The following C5orf52 variants were observed in gnomAD, a reference collection of about 807,000 sequenced individuals.
C5orf52 encodes uncharacterized protein C5orf52.
C5orf52 carries 15 observed loss-of-function variants against 16.8 expected under a neutral mutation model. The observed-to-expected ratio is 0.89, with a 90% CI of 0.60 to 1.38. The LOEUF is 1.38. Ranked by LOEUF, C5orf52 falls within the 40% of genes most tolerant of loss-of-function variation. The pLI is 0.00. For missense variants in C5orf52, 206 were observed against 213.1 expected (o/e 0.97, Z 0.21); for synonymous variants, 83 against 87.2 (o/e 0.95, Z 0.27).
chr5:157,678,882 C>A (rs192199857), intron 2 of C5orf52, among the ~76,000 whole-genome samples: 425 of 152,108 alleles, frequency 2.8e-3, no homozygotes, highest in African/African-American at 9.2e-3. Context: ...TGCCTGTAAT[C>A]TCAGCACTTT....
At chr5:157,679,113 G>C (rs1581418470) in intron 2 of C5orf52, among the ~76,000 whole-genome samples, 1 of 151,144 alleles carries the variant, frequency 6.6e-6, no homozygotes, top group East Asian at 2.0e-4. Flanking sequence ...CAGCCTGGGT[G>C]ACAGTGCGAG....
chr5:157,673,196 G>A (rs1366363443), intron 1 of C5orf52, among the ~76,000 whole-genome samples: 1 of 151,774 alleles, frequency 6.6e-6, no homozygotes, highest in African/African-American at 2.4e-5. Context: ...AAAATTAGCC[G>A]GGCATGGTGG....
At chr5:157,674,908 G>A (rs1203139154) in intron 1 of C5orf52, among the ~76,000 whole-genome samples, 184 bp from the exon 2 acceptor site, 1 of 152,102 alleles carries the variant, frequency 6.6e-6, no homozygotes, top group East Asian at 1.9e-4. Flanking sequence ...TACCCCTTTA[G>A]CATACCTTTT....
intron 1 of C5orf52, among the ~76,000 whole-genome samples, chr5:157,672,374 T>C (rs1285708339): frequency 1.3e-5 from 2 of 152,114 alleles, no homozygotes; most frequent in African/African-American, 2.4e-5. Flanking sequence ...CCCCTGTCCA[T>C]GGAGAACTTG....
In C5orf52 at chr5:157,679,822, C is replaced by G; in HGVS notation, c.322-19C>G. The G allele has an allele frequency of 6.5e-7, 1 of 1,543,592 alleles. No homozygotes were observed. Among genetic ancestry groups the G allele is most frequent in the Non-Finnish European group, 8.7e-7 (1 of 1,144,288 alleles). ...CTCTTTAGGATCTTGATCCTAACCT[C>G]ACCTCTGTTTTTTGTAAGGTGAGCG... On this transcript the variant is annotated intron_variant, in intron 2 of 2. Coordinates refer to ENST00000409999, the MANE Select transcript of C5orf52 (RefSeq NM_001145132.2).
At chr5:157,677,524 C>T (rs1361898412) in intron 2 of C5orf52, among the ~76,000 whole-genome samples, 5 of 152,054 alleles carry the variant, frequency 3.3e-5, no homozygotes, top group East Asian at 3.9e-4. Flanking sequence ...TGTGGTGGCA[C>T]ATGCCTGTAA....
chr5:157,676,868 T>TC (rs1759904071), intron 2 of C5orf52, among the ~76,000 whole-genome samples: 1 of 73,874 alleles, frequency 1.4e-5, no homozygotes, highest in African/African-American at 8.8e-5. Context: ...TTCCTTTTTT[T>TC]TTCTTTTTTT....
In C5orf52 at chr5:157,679,746, C is replaced by A. The variant is rs1047662914; in HGVS notation, c.322-95C>A. 4 of 1,188,954 alleles carry A rather than the reference C, an allele frequency of 3.4e-6. No homozygotes were observed. The African/African-American group carries it at 6.2e-5, about 18-fold the overall frequency. 73.7% of individuals were successfully genotyped at this position (1,188,954 alleles called of 1,614,324 possible). On this transcript the variant is annotated intron_variant, in intron 2 of 2. Coordinates refer to ENST00000409999, the MANE Select transcript of C5orf52 (RefSeq NM_001145132.2). ...GTCCAGCTGACACTTTTCCCACTCC[C>A]CCATCAGTAGCACAGATGTCTGCCC...
rs1207133304 is a variant in C5orf52 at position 157,671,719 on chromosome 5, G to C, written c.105G>C (p.Ser35=). 1.9e-6 allele frequency: 3 copies of C among 1,551,190 alleles called. No individual in the cohort carries two copies. The highest frequency in any genetic ancestry group is 4.9e-5 in the East Asian group (2 of 40,908). ...CCAGTTCCAGCGCCACCTCGGGTTC[G>C]AACTACCAGCGCGATAGACTCGGCC... The part of the protein sequence containing the change: ...ATTSSSATSG[S]NYQRDRLGRR... Residue 35 remains serine, a synonymous_variant, in exon 1 of 3, where the codon TCG becomes TCC. Coordinates refer to ENST00000409999, the MANE Select transcript of C5orf52 (RefSeq NM_001145132.2).
intron 1 of C5orf52, among the ~76,000 whole-genome samples, chr5:157,673,901 C>T (rs1276659506): frequency 6.6e-6 from 1 of 152,194 alleles, no homozygotes; most frequent in East Asian, 1.9e-4. Context: ...CTGCTTCAGC[C>T]TCCCAAAGTG....
rs762308596 is a variant in C5orf52 at position 157,675,247 on chromosome 5, C to G, written c.321+47C>G. ...GCATTAGAGGGTGTTAGTGGCTTGA[C>G]CCATATTCATTTCATTCTCCCTATA... On this transcript the variant is annotated intron_variant, in intron 2 of 2. Coordinates refer to ENST00000409999, the MANE Select transcript of C5orf52 (RefSeq NM_001145132.2). The G allele has an allele frequency of 2.7e-6, 3 of 1,131,022 alleles. No individual in the cohort carries two copies. The East Asian group carries it at 7.7e-5, about 29-fold the overall frequency. The allele number at this position is 1,131,022 out of a possible 1,614,324, so 70.1% of individuals were successfully genotyped here.
chr5:157,671,423 G>C (rs2113863461), upstream of C5orf52: 1 of 582,884 alleles, frequency 1.7e-6, no homozygotes, highest in Non-Finnish European at 3.1e-6. Context: ...CGCGTCCGTG[G>C]CCGCCGGACT....
At chr5:157,673,350 T>C (rs114604600) in intron 1 of C5orf52, among the ~76,000 whole-genome samples, 4,604 of 120,854 alleles carry the variant, frequency 0.038, 240 homozygotes, top group African/African-American at 0.18. Flanking sequence ...GAAATAAAAA[T>C]AAAATAAAAT....
chr5:157,673,791 C>T (rs1230149369), intron 1 of C5orf52, among the ~76,000 whole-genome samples: 2 of 151,970 alleles, frequency 1.3e-5, no homozygotes, highest in African/African-American at 4.8e-5. Context: ...ATTACAGGCG[C>T]TCACCACCAC....
chr5:157,671,542 C>T lies in C5orf52; in HGVS notation c.-73C>T, dbSNP rs1759789875. On this transcript the variant is annotated 5_prime_UTR_variant, in exon 1 of 3. Coordinates refer to ENST00000409999, the MANE Select transcript of C5orf52 (RefSeq NM_001145132.2). ...CTCCGCCCAGGGACTCACTCCGCGT[C>T]AGCGCGCGCCCACCTAGGTGGGCTG... 2 of 1,323,376 alleles carry T rather than the reference C, an allele frequency of 1.5e-6. No homozygotes were observed. The highest frequency in any genetic ancestry group is 1.5e-5 in the African/African-American group (1 of 67,684). 82.0% of individuals were successfully genotyped at this position (1,323,376 alleles called of 1,614,324 possible).
intron 1 of C5orf52, among the ~76,000 whole-genome samples, chr5:157,673,934 A>C (rs1759847525): frequency 1.3e-5 from 2 of 152,136 alleles, no homozygotes; most frequent in Non-Finnish European, 2.9e-5. Context: ...GCGTGAGCCA[A>C]CTTGCCCGGT....
At chr5:157,674,867 A>G (rs958111659) in intron 1 of C5orf52, among the ~76,000 whole-genome samples, 18 of 152,378 alleles carry the variant, frequency 1.2e-4, no homozygotes, top group African/African-American at 3.6e-4. Flanking sequence ...TTACATCCTC[A>G]GAATGGCTTT....
Position 157,679,911 on chromosome 5 carries a change from C to A in C5orf52, c.392C>A (p.Thr131Lys). 6.4e-7 allele frequency: 1 copy of A among 1,551,788 alleles called. No homozygotes were observed. Among genetic ancestry groups the A allele is most frequent in the Non-Finnish European group, 8.7e-7 (1 of 1,147,006 alleles). The change falls in exon 3 of 3, where the codon ACA becomes AAA. Residue 131 changes from threonine to lysine, a missense_variant. Thr to Lys is a moderately conservative substitution (Grantham distance 78). Transcript: ENST00000409999. Reference sequence around the variant, plus strand: ...GAACACCTGAAAAAAAAGTTCATGACAGAGCAGCTCAGAAAGCTCGGGCGA... The same window carrying A: ...GAACACCTGAAAAAAAAGTTCATGAAAGAGCAGCTCAGAAAGCTCGGGCGA... ...YYEHLKKKFM[T>K]EQLRKLGRWR...
rs1759862664 is a variant in C5orf52 at position 157,674,691 on chromosome 5, T to A, written c.213-401T>A. 2.0e-5 allele frequency among the ~76,000 whole-genome samples: 3 copies of A among 152,200 alleles called. No individual in the cohort carries two copies. The South Asian group carries it at 6.2e-4, about 32-fold the overall frequency. On this transcript the variant is annotated intron_variant, in intron 1 of 2. Transcript: ENST00000409999. Reference sequence around the variant, plus strand: ...GCCGAGGCAGGAGAATTGCTTGAACTGGAGGTGGAGTTTGCAGTAAGCCAA... The same window carrying A: ...GCCGAGGCAGGAGAATTGCTTGAACAGGAGGTGGAGTTTGCAGTAAGCCAA...
Sources: allele counts gnomAD v4.1 joint callset (sites outside exome capture counted in the v4.1 genomes callset), GRCh38; gene constraint gnomAD v4.1.1; transcripts MANE v1.5; gene names NCBI Gene and HGNC (gene_info 2026-07-23, HGNC 2026-07-21).